SART3: variants seen among roughly 807,000 people sequenced by gnomAD.
SART3 encodes spliceosome associated factor 3, U4/U6 recycling protein.
A neutral mutation model predicts 122.3 loss-of-function variants in SART3; 44 were observed. The ratio of observed to expected loss-of-function variants is 0.36; its 90% confidence interval spans 0.28 to 0.46. The LOEUF (loss-of-function observed/expected upper bound fraction) is 0.46. Ranked by LOEUF, SART3 falls within the 20% of genes least tolerant of loss-of-function variation. SART3 has a pLI of 1.00. For missense variants in SART3, 1,101 were observed against 1,229.0 expected (o/e 0.90, Z 1.56); for synonymous variants, 442 against 454.0 (o/e 0.97, Z 0.34).
chr12:108,541,998 CTTTTTTTTTT>C (rs55746158), intron 6 of SART3, among the ~76,000 whole-genome samples: 4 of 68,104 alleles, frequency 5.9e-5, no homozygotes, highest in African/African-American at 1.1e-4. Flanking sequence ...CCAAGCCCGG[CTTTTTTTTTT>C]TTTTTTTTTT....
chr12:108,539,874 T>A (rs1391732943), intron 6 of SART3, among the ~76,000 whole-genome samples: 1 of 152,138 alleles, frequency 6.6e-6, no homozygotes, highest in Non-Finnish European at 1.5e-5. Context: ...CAACTAAAAC[T>A]GCTAAATTAA....
intron 1 of SART3, among the ~76,000 whole-genome samples, chr12:108,553,618 C>A (rs1211768716): frequency 6.6e-6 from 1 of 152,070 alleles, no homozygotes. Context: ...TGACAACATA[C>A]CCTAATAATC....
intron 1 of SART3, among the ~76,000 whole-genome samples, chr12:108,552,542 CAA>C (rs202116633): frequency 7.6e-6 from 1 of 130,826 alleles, no homozygotes; most frequent in Non-Finnish European, 1.7e-5. Context: ...CATACAAAAA[CAA>C]AAAAAAAAAC....
intron 11 of SART3, among the ~76,000 whole-genome samples, chr12:108,536,252 G>A (rs996431085): frequency 5.3e-5 from 8 of 152,198 alleles, no homozygotes; most frequent in African/African-American, 1.9e-4. Context: ...AGAAGTAAAC[G>A]AGTGAATACC....
Position 108,545,126 on chromosome 12 carries a change from C to G in SART3, c.729+13G>C, listed in dbSNP as rs758198862. ...CAGCCCCAACCCGTTCAGAGACAAC[C>G]ACAGGTACTCACCCGAGCAGCTTCC... On this transcript the variant is annotated intron_variant, in intron 4 of 18. Coordinates refer to ENST00000546815, the MANE Select transcript of SART3 (RefSeq NM_014706.4). 22 of 1,613,624 alleles carry G rather than the reference C, an allele frequency of 1.4e-5. No homozygotes were observed. Among genetic ancestry groups the G allele is most frequent in the Non-Finnish European group, 1.8e-5 (21 of 1,179,716 alleles).
At chr12:108,525,993 A>G in intron 16 of SART3, 106 bp downstream of exon 16, 1 of 968,292 alleles carries the variant, frequency 1.0e-6, no homozygotes, top group South Asian at 1.4e-5. Flanking sequence ...AGATCCAAAC[A>G]GAGCGTAAAA....
At chr12:108,551,068 C>A (rs2029989162) in intron 1 of SART3, among the ~76,000 whole-genome samples, 1 of 151,954 alleles carries the variant, frequency 6.6e-6, no homozygotes, top group Non-Finnish European at 1.5e-5. Context: ...AAAACACAAC[C>A]CAACTATATG....
At chr12:108,538,025 G>C in intron 8 of SART3, 40 bp downstream of exon 8, 1 of 1,613,502 alleles carries the variant, frequency 6.2e-7, no homozygotes, top group South Asian at 1.1e-5. Flanking sequence ...TTTCACTTGG[G>C]ACAAATAGCT....
At chr12:108,525,274 A>C (rs2136660236) in intron 17 of SART3, among the ~76,000 whole-genome samples, 183 bp downstream of exon 17, 1 of 152,378 alleles carries the variant, frequency 6.6e-6, no homozygotes, top group African/African-American at 2.4e-5. Context: ...AATTAACTAC[A>C]AACAGGTTAA....
In SART3 at chr12:108,544,431, G is replaced by C. The variant is rs1292072656; in HGVS notation, c.777C>G (p.Leu259=). The change falls in exon 5 of 19, where the codon CTC becomes CTG. Residue 259 remains leucine (L), a synonymous_variant. Transcript: ENST00000546815. ...SLFRRQLAIP[L]YDMEATFAEY... ...TGACATGTCAGTTTCTCTTACCATA[G>C]AGTGGGATCGCCAACTGTCGCCGGA... 3 of 1,613,590 alleles carry C rather than the reference G, an allele frequency of 1.9e-6. No homozygotes were observed. Among genetic ancestry groups the C allele is most frequent in the South Asian group, 1.1e-5 (1 of 91,076 alleles).
At chr12:108,525,365 C>G in intron 17 of SART3, 92 bp downstream of exon 17, 1 of 1,355,964 alleles carries the variant, frequency 7.4e-7, no homozygotes, top group South Asian at 1.2e-5. Context: ...AAACTAGGAA[C>G]CCATTCTAGA....
intron 6 of SART3, among the ~76,000 whole-genome samples, chr12:108,541,402 G>A (rs1261745374): frequency 6.6e-6 from 1 of 151,670 alleles, no homozygotes; most frequent in African/African-American, 2.4e-5. Flanking sequence ...CGAAACTCCA[G>A]TCTCAAAAAA....
At chr12:108,551,457 G>A (rs73189237) in intron 1 of SART3, among the ~76,000 whole-genome samples, 2,438 of 152,020 alleles carry the variant, frequency 0.016, 34 homozygotes, top group Middle Eastern at 0.024. Flanking sequence ...GTTGAACCTG[G>A]TCAAAAAGAA....
Position 108,561,105 on chromosome 12 carries a change from T to C in SART3, c.50A>G (p.Lys17Arg). Reference protein sequence around the residue: ...TSASEPEAESKAGPKADGEED... With the variant: ...TSASEPEAESRAGPKADGEED... ...CTCTCCGTCAGCCTTGGGCCCAGCC[T>C]TGGACTCAGCCTCGGGTTCTGAAGC... The change falls in exon 1 of 19, where the codon AAG becomes AGG. Residue 17 changes from lysine (K) to arginine (R), a missense_variant. Physicochemically the swap from Lys to Arg is conservative, Grantham distance 26. Coordinates refer to ENST00000546815, the MANE Select transcript of SART3 (RefSeq NM_014706.4). The C allele has an allele frequency of 6.2e-7, 1 of 1,613,996 alleles. No individual in the cohort carries two copies.
In SART3 at chr12:108,547,939, C is replaced by T; in HGVS notation, c.492G>A (p.Leu164=). 1 of 1,613,754 alleles carries T rather than the reference C, an allele frequency of 6.2e-7. No individual in the cohort carries two copies. Among genetic ancestry groups the T allele is most frequent in the Non-Finnish European group, 8.5e-7 (1 of 1,180,004 alleles). The change falls in exon 3 of 19, where the codon CTG becomes CTA. Residue 164 remains leucine, a synonymous_variant. Coordinates refer to ENST00000546815, the MANE Select transcript of SART3 (RefSeq NM_014706.4). ...HDEISMAQDG[L]DREHVYDLFE... is the part of the protein sequence containing the mutation. ...AGAGGTCATACACGTGCTCTCTGTCCAGGCCATCCTGGGCCATGCTGATCT... is the reference window on the plus strand; with the variant it reads ...AGAGGTCATACACGTGCTCTCTGTCTAGGCCATCCTGGGCCATGCTGATCT...
At chr12:108,557,109 T>G (rs1324340113) in intron 1 of SART3, among the ~76,000 whole-genome samples, 1 of 152,002 alleles carries the variant, frequency 6.6e-6, no homozygotes, top group Non-Finnish European at 1.5e-5. Flanking sequence ...CATACTGAAA[T>G]GCACTTAAAA....
chr12:108,524,878 G>A (rs980615878), intron 17 of SART3: 11 of 353,608 alleles, frequency 3.1e-5, no homozygotes, highest in South Asian at 1.1e-4. Flanking sequence ...GTGAGCCCTC[G>A]TGTTTCTGTG....
chr12:108,525,646 C>A, intron 16 of SART3, 37 bp from the exon 17 acceptor site: 1 of 1,609,002 alleles, frequency 6.2e-7, no homozygotes, highest in South Asian at 1.1e-5. Flanking sequence ...AACCATGATT[C>A]GAGGCATGAC....
chr12:108,531,948 T>C (rs1872696629), intron 13 of SART3: 9 of 412,328 alleles, frequency 2.2e-5, no homozygotes, highest in South Asian at 1.5e-4. Flanking sequence ...AAGCCAGGGA[T>C]GCCCCTAAAC....
Sources: gnomAD v4.1 joint callset for allele counts (sites outside exome capture counted in the v4.1 genomes callset) on GRCh38, gnomAD v4.1.1 for gene constraint, MANE v1.5 for transcripts, NCBI Gene and HGNC (gene_info 2026-07-23, HGNC 2026-07-21) for gene names.